The following NAP1L1 variants were observed in gnomAD, a reference collection of about 807,000 sequenced individuals.
NAP1L1 encodes nucleosome assembly protein 1-like 1.
NAP1L1 carries 9 observed loss-of-function variants against 58.9 expected under a neutral mutation model. The observed-to-expected ratio is 0.15, with a 90% CI of 0.09 to 0.27. The LOEUF (loss-of-function observed/expected upper bound fraction) is 0.27, where lower values mean the gene tolerates loss of function less well. NAP1L1 is among the 10% of genes least tolerant of loss of function. The pLI is 1.00. For missense variants in NAP1L1, 302 were observed against 458.8 expected (o/e 0.66, Z 3.12); for synonymous variants, 130 against 138.3 (o/e 0.94, Z 0.42).
At chr12:76,074,751 T>A (rs141074606) in intron 1 of NAP1L1, among the ~76,000 whole-genome samples, 5 of 152,364 alleles carry the variant, frequency 3.3e-5, no homozygotes, top group African/African-American at 1.2e-4. Flanking sequence ...GCCCTCTGGA[T>A]ATCTTTTTAA....
chr12:76,079,507 A>C (rs925208851), intron 1 of NAP1L1, among the ~76,000 whole-genome samples: 7 of 152,220 alleles, frequency 4.6e-5, no homozygotes, highest in African/African-American at 1.7e-4. Flanking sequence ...AATGTAAAAG[A>C]CAGTTTCAGA....
intron 6 of NAP1L1, chr12:76,057,681 T>A (rs1949181341): frequency 3.4e-6 from 5 of 1,486,290 alleles, no homozygotes; most frequent in Non-Finnish European, 3.7e-6. Flanking sequence ...AATATATGCC[T>A]GATGTTGCTA....
rs772410442 is a variant in NAP1L1 at position 76,059,791 on chromosome 12, T to C, written c.429+7A>G. The C allele has an allele frequency of 2.5e-6, 4 of 1,580,946 alleles. No homozygotes were observed. The highest frequency in any genetic ancestry group is 3.5e-6 in the Non-Finnish European group (4 of 1,157,738). On this transcript the variant is annotated splice_region_variant and intron_variant, in intron 6 of 14. Coordinates refer to ENST00000618691, the MANE Select transcript of NAP1L1 (RefSeq NM_004537.7). ...TAAAAACATACCAAAATAAAGTTGG[T>C]ACTAACCGAAATCTCATCTTCTTCA...
intron 8 of NAP1L1, 119 bp downstream of exon 8, chr12:76,054,900 T>C (rs1592624902): frequency 3.6e-6 from 2 of 553,070 alleles, no homozygotes; most frequent in Middle Eastern, 2.9e-4. Flanking sequence ...AGCATCCAAA[T>C]ATTTATTCAC....
chr12:76,073,013 G>T lies in NAP1L1; in HGVS notation c.17+1190C>A, dbSNP rs150621013. Among the ~76,000 whole-genome samples the T allele has an allele frequency of 5.3e-5, 8 of 152,158 alleles. No individual in the cohort carries two copies. In the East Asian group the frequency reaches 1.5e-3, roughly 29 times the overall value. ...AGATAGTAAAATAGATCCAATGACA[G>T]CCATGTCACCAAGGTTAAGCAATCC... On this transcript the variant is annotated intron_variant, in intron 2 of 14. Transcript: ENST00000618691.
intron 5 of NAP1L1, 22 bp from the exon 6 acceptor site, chr12:76,059,900 AGGCTGTAT>A: frequency 6.5e-7 from 1 of 1,532,500 alleles, no homozygotes. Flanking sequence ...TAAAAAAAAA[AGGCTGTAT>A]AAAAACACTG....
At chr12:76,081,496 G>A (rs1950408068) in intron 1 of NAP1L1, among the ~76,000 whole-genome samples, 1 of 152,134 alleles carries the variant, frequency 6.6e-6, no homozygotes, top group South Asian at 2.1e-4. Flanking sequence ...AGCACTTTGG[G>A]AGGCCAAGGC....
chr12:76,068,735 TACACACACACACACACACACACACAC>T, intron 3 of NAP1L1, 148 bp downstream of exon 3: 4 of 293,298 alleles, frequency 1.4e-5, no homozygotes, highest in Non-Finnish European at 2.4e-5. Flanking sequence ...ACCCGCCCCT[TACACACACACACACACACACACACAC>T]ACACACACAC....
Position 76,036,811 on chromosome 12 carries a change from GC to G in NAP1L1, c.*11617del, listed in dbSNP as rs1321304775. ...ACCAAGGCTGGGCGCGGTGGCTCACGCCTGTAATCCCAACACTTTGGGAGGC... is the reference window on the plus strand; with the variant it reads ...ACCAAGGCTGGGCGCGGTGGCTCACGCTGTAATCCCAACACTTTGGGAGGC... On this transcript the variant is annotated 3_prime_UTR_variant, in exon 15 of 15. Transcript: ENST00000618691. 1 of 152,046 alleles carries G rather than the reference GC, an allele frequency of 6.6e-6. No individual in the cohort carries two copies. The highest frequency in any genetic ancestry group is 2.4e-5 in the African/African-American group (1 of 41,388). 9.4% of individuals were successfully genotyped at this position (152,046 alleles called of 1,614,324 possible).
intron 4 of NAP1L1, among the ~76,000 whole-genome samples, chr12:76,066,188 G>T (rs1030768463): frequency 2.7e-5 from 4 of 150,272 alleles, no homozygotes; most frequent in Non-Finnish European, 5.9e-5. Context: ...GAAAAAAAAG[G>T]AACTGGAAGC....
intron 2 of NAP1L1, among the ~76,000 whole-genome samples, chr12:76,071,740 T>C (rs1394553821): frequency 6.6e-6 from 1 of 152,104 alleles, no homozygotes; most frequent in Non-Finnish European, 1.5e-5. Flanking sequence ...AGTTAAATCA[T>C]TAGATCTTCT....
At chr12:76,078,232 T>C (rs1950271898) in intron 1 of NAP1L1, among the ~76,000 whole-genome samples, 2 of 152,066 alleles carry the variant, frequency 1.3e-5, no homozygotes, top group Admixed American at 1.3e-4. Context: ...GCTATCTTTA[T>C]GGTAACCCTC....
chr12:76,068,776 A>ACACACACACACACT, intron 3 of NAP1L1, 133 bp downstream of exon 3: 1 of 639,852 alleles, frequency 1.6e-6, no homozygotes, highest in Admixed American at 2.5e-5. Flanking sequence ...ACACACACAC[A>ACACACACACACACT]CACTAGAAGT....
chr12:76,076,290 G>A (rs554985333), intron 1 of NAP1L1, among the ~76,000 whole-genome samples: 299 of 152,180 alleles, frequency 2.0e-3, no homozygotes, highest in Middle Eastern at 3.4e-3. Flanking sequence ...GTCTCAGTCT[G>A]TAATTATAAA....
At chr12:76,071,888 T>A (rs1949968035) in intron 2 of NAP1L1, among the ~76,000 whole-genome samples, 1 of 151,108 alleles carries the variant, frequency 6.6e-6, no homozygotes, top group Non-Finnish European at 1.5e-5. Context: ...TAGAGCCTCC[T>A]CTACATTTAA....
Position 76,045,494 on chromosome 12 carries a change from C to A in NAP1L1, c.*2935G>T, listed in dbSNP as rs1472928564. On this transcript the variant is annotated 3_prime_UTR_variant, in exon 15 of 15. Transcript: ENST00000618691. ...CCATATCATTAACCTATTCACACAACAAAAATATTTTTATGAAAGTTAATA... is the reference window on the plus strand; with the variant it reads ...CCATATCATTAACCTATTCACACAAAAAAAATATTTTTATGAAAGTTAATA... 6.6e-6 allele frequency: 1 copy of A among 151,990 alleles called. No individual in the cohort carries two copies. The highest frequency in any genetic ancestry group is 1.5e-5 in the Non-Finnish European group (1 of 67,908). The allele number at this position is 151,990 out of a possible 1,614,324, so 9.4% of individuals were successfully genotyped here. A position where few individuals can be genotyped will look rare whatever the true frequency, so the allele number is the denominator to read the frequency against.
In NAP1L1 at chr12:76,037,372, C is replaced by T. The variant is rs1467337002; in HGVS notation, c.*11057G>A. ...TTAGCGCTTTTTTTTAACTGTAGTA[C>T]AAACACAATTGTGGATCCAAGCACC... On this transcript the variant is annotated 3_prime_UTR_variant, in exon 15 of 15. Coordinates refer to ENST00000618691, the MANE Select transcript of NAP1L1 (RefSeq NM_004537.7). 3.3e-5 allele frequency: 5 copies of T among 152,392 alleles called. No individual in the cohort carries two copies. The allele number at this position is 152,392 out of a possible 1,614,324, so 9.4% of individuals were successfully genotyped here. A position where few individuals can be genotyped will look rare whatever the true frequency, so the allele number is the denominator to read the frequency against.
chr12:76,082,101 A>ATTTTGATATT (rs1262366029), intron 1 of NAP1L1, among the ~76,000 whole-genome samples: 2 of 152,220 alleles, frequency 1.3e-5, no homozygotes, highest in Non-Finnish European at 2.9e-5. Flanking sequence ...GATCATTAAT[A>ATTTTGATATT]TTTTGATATT....
In NAP1L1 at chr12:76,038,740, G is replaced by A. The variant is rs1948524517; in HGVS notation, c.*9689C>T. ...AAAACCCAGGAAATGTTTATGGCAA[G>A]CTTGTATGTTGCCACTAAACCTACC... On this transcript the variant is annotated 3_prime_UTR_variant, in exon 15 of 15. Transcript: ENST00000618691. The A allele has an allele frequency of 6.6e-6, 1 of 152,134 alleles. No individual in the cohort carries two copies. Among genetic ancestry groups the A allele is most frequent in the Admixed American group, 6.5e-5 (1 of 15,286 alleles). 9.4% of individuals were successfully genotyped at this position (152,134 alleles called of 1,614,324 possible).
Sources: allele counts gnomAD v4.1 joint callset (sites outside exome capture counted in the v4.1 genomes callset), GRCh38; gene constraint gnomAD v4.1.1; transcripts MANE v1.5; gene names NCBI Gene and HGNC (gene_info 2026-07-23, HGNC 2026-07-21).